The following EP400 variants were observed in gnomAD, a reference collection of about 807,000 sequenced individuals.
EP400 encodes E1A binding protein p400.
EP400 carries 105 observed loss-of-function variants against 354.1 expected under a neutral mutation model. The ratio of observed to expected loss-of-function variants is 0.30; its 90% CI spans 0.25 to 0.35. The LOEUF (loss-of-function observed/expected upper bound fraction) is 0.35. EP400 is among the 10% of genes least tolerant of loss of function. The probability of loss-of-function intolerance (pLI) is 1.00; values close to 1 mark genes in which losing one functional copy is unlikely to be tolerated. For missense variants in EP400, 3,280 were observed against 4,121.0 expected, an observed-to-expected ratio of 0.80 and a Z score of 5.59; for synonymous variants, 1,646 against 1,716.9, an observed-to-expected ratio of 0.96 and a Z score of 1.02.
At chr12:132,059,351 A>G (rs1161866706) in intron 45 of EP400, among the ~76,000 whole-genome samples, 3 of 151,976 alleles carry the variant, frequency 2.0e-5, no homozygotes, top group African/African-American at 7.3e-5. Flanking sequence ...CCTTGGATTG[A>G]GTAGTGGAGC....
At chr12:132,046,414 G>T (rs562808646) in intron 39 of EP400, among the ~76,000 whole-genome samples, 1 of 152,258 alleles carries the variant, frequency 6.6e-6, no homozygotes, top group South Asian at 2.1e-4. Flanking sequence ...AAGCTGTCTC[G>T]CTTTGTTTTG....
chr12:131,970,633 G>A (rs180890515), intron 2 of EP400, among the ~76,000 whole-genome samples: 45 of 152,344 alleles, frequency 3.0e-4, no homozygotes, highest in African/African-American at 6.7e-4. Context: ...CCCTGCCATC[G>A]TGCACATTGA....
rs757873874 is a variant in EP400 at position 131,987,706 on chromosome 12, A to C, written c.2225A>C (p.Glu742Ala). 5.6e-6 allele frequency: 9 copies of C among 1,600,824 alleles called. No individual in the cohort carries two copies. Among genetic ancestry groups the C allele is most frequent in the Non-Finnish European group, 7.7e-6 (9 of 1,173,930 alleles). The change falls in exon 7 of 53, where the codon GAG (glutamate) becomes GCG (alanine). Residue 742 changes from glutamate to alanine, a missense_variant and splice_region_variant. This residue lies in a region of EP400 where 800 missense variants were observed against 840.0 expected (regional missense o/e 0.95). Transcript: ENST00000389561. ...CCATCCCCCATGTATCATCTACAGG[A>C]GAACCAGGTGCATCAGCGCATTGCG... ...QDTLTEQITL[E>A]NQVHQRIAEL...
In EP400 at chr12:131,989,966, C is replaced by G; in HGVS notation, c.2412C>G (p.Leu804=). The stretch of plus-strand genomic sequence containing the variant: ...ATTCTTGCACTTTTATTCACCAGCT[C>G]GTTAGAACTGTGGTGCGCCATCACG... The part of the protein sequence containing the change: ...RRWKVAAAKK[L]VRTVVRHHEE... The change falls in exon 8 of 53, where the codon CTC becomes CTG. Residue 804 remains leucine (L), a splice_region_variant and synonymous_variant. Transcript: ENST00000389561. 6.2e-7 allele frequency: 1 copy of G among 1,613,594 alleles called. No homozygotes were observed. The highest frequency in any genetic ancestry group is 8.5e-7 in the Non-Finnish European group (1 of 1,179,886).
chr12:132,006,002 C>G, intron 13 of EP400, 110 bp from the exon 14 acceptor site: 1 of 997,364 alleles, frequency 1.0e-6, no homozygotes, highest in Non-Finnish European at 1.4e-6. Flanking sequence ...TTGCCTAATT[C>G]AGTATTTAAA....
chr12:132,038,128 G>A lies in EP400; in HGVS notation c.6207+32G>A. Reference sequence around the variant, plus strand: ...ATACATTGAATCTGGCTGAAGAGTTGCACGGTGGGAGCCGGCGGAACACCT... The same window carrying A: ...ATACATTGAATCTGGCTGAAGAGTTACACGGTGGGAGCCGGCGGAACACCT... On this transcript the variant is annotated intron_variant, in intron 32 of 52. Transcript: ENST00000389561. This position sits in a 1 kb window ranked among gnomAD's most constrained non-coding sequence, Gnocchi z 4.2. 6.2e-7 allele frequency: 1 copy of A among 1,612,940 alleles called. No homozygotes were observed. The highest frequency in any genetic ancestry group is 8.5e-7 in the Non-Finnish European group (1 of 1,179,070).
chr12:132,031,863 G>A, intron 29 of EP400, 90 bp from the exon 30 acceptor site: 1 of 1,396,122 alleles, frequency 7.2e-7, no homozygotes, highest in Non-Finnish European at 9.8e-7. Context: ...CCTGCTGTGG[G>A]ATTATTTCTA....
intron 23 of EP400, among the ~76,000 whole-genome samples, chr12:132,023,073 A>G (rs1894173925): frequency 6.6e-6 from 1 of 151,708 alleles, no homozygotes; most frequent in South Asian, 2.1e-4. Context: ...CACATTTTTA[A>G]AGTTCTCTAA....
Position 132,069,482 on chromosome 12 carries a change from A to G in EP400, c.8875-13A>G, listed in dbSNP as rs774853283. ...ATGGTCTCTGCGGCCCTAATTTCGC[A>G]GTCTCTCCCCAGATCACCGCACAGC... On this transcript the variant is annotated splice_polypyrimidine_tract_variant and intron_variant, in intron 50 of 52. Transcript: ENST00000389561. 1 of 1,612,382 alleles carries G rather than the reference A, an allele frequency of 6.2e-7. No homozygotes were observed. The highest frequency in any genetic ancestry group is 8.5e-7 in the Non-Finnish European group (1 of 1,178,670).
intron 51 of EP400, among the ~76,000 whole-genome samples, chr12:132,074,960 G>A (rs1369578007): frequency 6.6e-6 from 1 of 152,042 alleles, no homozygotes; most frequent in Non-Finnish European, 1.5e-5. Flanking sequence ...GTGGAGTTTT[G>A]CTTCCGCGGG....
Position 132,013,328 on chromosome 12 carries a change from C to A in EP400, c.3611+150C>A. ...TCATCCCAGCACATGGGCCAGAGAG[C>A]CCCAGAGCTGGGTCAGTGCAGCCCC... On this transcript the variant is annotated intron_variant, in intron 17 of 52. Coordinates refer to ENST00000389561, the MANE Select transcript of EP400 (RefSeq NM_015409.5). The surrounding 1 kb of genome is among the most constrained non-coding windows in gnomAD (Gnocchi z 4.5). 1 of 1,405,490 alleles carries A rather than the reference C, an allele frequency of 7.1e-7. No homozygotes were observed. Among genetic ancestry groups the A allele is most frequent in the Non-Finnish European group, 9.5e-7 (1 of 1,049,946 alleles). The allele number at this position is 1,405,490 out of a possible 1,614,324, so 87.1% of individuals were successfully genotyped here.
intron 12 of EP400, among the ~76,000 whole-genome samples, chr12:131,998,064 T>A (rs141896279): frequency 1.3e-5 from 2 of 152,342 alleles, no homozygotes; most frequent in East Asian, 3.9e-4. Flanking sequence ...CCACTGATCT[T>A]AAGTGCCAGC....
chr12:132,071,519 G>C (rs1190139698), intron 51 of EP400, among the ~76,000 whole-genome samples: 1 of 152,060 alleles, frequency 6.6e-6, no homozygotes, highest in Non-Finnish European at 1.5e-5. Context: ...CCATTGGCAG[G>C]CAGCTGTGTG....
In EP400 at chr12:132,021,296, C is replaced by T. The variant is rs1273702899; in HGVS notation, c.4665C>T (p.Pro1555=). 2.6e-6 allele frequency: 4 copies of T among 1,525,844 alleles called. No homozygotes were observed. In the African/African-American group the frequency reaches 4.2e-5, roughly 16 times the overall value. 94.5% of individuals were successfully genotyped at this position (1,525,844 alleles called of 1,614,324 possible). Residue 1555 remains proline (P), a synonymous_variant, in exon 23 of 53, where the codon CCC becomes CCT. Coordinates refer to ENST00000389561, the MANE Select transcript of EP400 (RefSeq NM_015409.5). ...QSALPQRLVL[P]SQAQARLPSG... ...CGCTGCCTCAGAGGCTGGTGCTCCC[C>T]TCGCAGGCCCAGGCCCGCTTGCCCA...
chr12:131,960,797 C>A lies in EP400; in HGVS notation c.178C>A (p.Gln60Lys), dbSNP rs1891854731. The A allele has an allele frequency of 1.2e-6, 2 of 1,610,976 alleles. No individual in the cohort carries two copies. Among genetic ancestry groups the A allele is most frequent in the South Asian group, 2.2e-5 (2 of 91,004 alleles). The change falls in exon 2 of 53, where the codon CAG becomes AAG. Residue 60 changes from glutamine (Q) to lysine (K), a missense_variant. This residue lies in a region of EP400 where 172 missense variants were observed against 242.9 expected (regional missense o/e 0.71). Coordinates refer to ENST00000389561, the MANE Select transcript of EP400 (RefSeq NM_015409.5). ...APQSPSYQIQQLMNRSPATGQ... is the reference protein window; with the variant it reads ...APQSPSYQIQKLMNRSPATGQ... ...CCAGTCTCCCAGTTATCAAATACAG[C>A]AGCTGATGAATAGGAGCCCTGCAAC...
chr12:132,032,187 G>A (rs752888155), intron 30 of EP400, 38 bp downstream of exon 30: 1 of 1,588,634 alleles, frequency 6.3e-7, no homozygotes, highest in South Asian at 1.1e-5. Context: ...GAGATGCAAA[G>A]ACATCCACAT....
intron 39 of EP400, among the ~76,000 whole-genome samples, chr12:132,049,983 C>A (rs565391329): frequency 1.4e-4 from 22 of 152,316 alleles, no homozygotes; most frequent in Non-Finnish European, 2.6e-4. Flanking sequence ...GGTGAAGGCT[C>A]ACAGCCCGCT....
chr12:132,022,619 T>C (rs148710989), intron 23 of EP400, among the ~76,000 whole-genome samples: 153 of 152,244 alleles, frequency 1.0e-3, no homozygotes, highest in African/African-American at 3.4e-3. Flanking sequence ...ATCTGAGTTA[T>C]GTTTTTTCAA....
intron 43 of EP400, 45 bp downstream of exon 43, chr12:132,053,642 C>A: frequency 1.4e-6 from 2 of 1,460,580 alleles, no homozygotes; most frequent in Non-Finnish European, 1.8e-6. Context: ...CGGGAAGTCA[C>A]CCACACCTGC....
Sources: gnomAD v4.1 joint callset for allele counts (sites outside exome capture counted in the v4.1 genomes callset) on GRCh38, gnomAD v4.1.1 for gene constraint, gnomAD v4.1.1 regional missense constraint, Gnocchi (gnomAD v3.1) non-coding constraint, MANE v1.5 for transcripts, NCBI Gene and HGNC (gene_info 2026-07-23, HGNC 2026-07-21) for gene names.